Variants in ITPR1 observed in about 807,000 individuals in gnomAD.
ITPR1 encodes the protein inositol 1,4,5-trisphosphate-gated calcium channel ITPR1.
Under a neutral mutation model 318.4 loss-of-function variants are expected in ITPR1, and 96 were observed. The observed-to-expected ratio is 0.30, with a 90% CI of 0.26 to 0.36. ITPR1 has a LOEUF of 0.36. Ranked by LOEUF, ITPR1 falls within the 10% of genes least tolerant of loss-of-function variation. ITPR1 has a pLI of 1.00. For synonymous variants in ITPR1, 1,312 were observed against 1,289.9 expected (o/e 1.02, Z -0.37); for missense variants, 2,440 against 3,460.2 (o/e 0.71, Z 7.40).
At chr3:4,546,821 G>A (rs141923135) in intron 4 of ITPR1, among the ~76,000 whole-genome samples, 41 of 140,436 alleles carry the variant, frequency 2.9e-4, no homozygotes, top group African/African-American at 9.7e-4. Flanking sequence ...ATGAAATCTT[G>A]ACATACCACC....
intron 2 of ITPR1, among the ~76,000 whole-genome samples, chr3:4,512,635 G>A (rs2081920357): frequency 6.6e-6 from 1 of 151,908 alleles, no homozygotes; most frequent in Admixed American, 6.6e-5. Flanking sequence ...TTGATGCCCT[G>A]GAATCTTTCA....
intron 44 of ITPR1, among the ~76,000 whole-genome samples, chr3:4,764,238 T>G (rs1222325468): frequency 6.6e-6 from 1 of 152,254 alleles, no homozygotes; most frequent in African/African-American, 2.4e-5. Context: ...CAACTGAAAG[T>G]TGCTTTCTCA....
At chr3:4,701,999 G>T (rs2094663566) in intron 35 of ITPR1, among the ~76,000 whole-genome samples, 1 of 152,040 alleles carries the variant, frequency 6.6e-6, no homozygotes, top group Non-Finnish European at 1.5e-5. Flanking sequence ...GAGGGGCTAT[G>T]CAAGTTGTCC....
At position 4,693,730 on chromosome 3, in the gene ITPR1, T is replaced by G. The variant is rs1317838362; in HGVS notation, c.4270T>G (p.Cys1424Gly). The G allele has an allele frequency of 6.2e-7, 1 of 1,612,578 alleles. No individual in the cohort carries two copies. ...CGTTCGCGTGGTGACCCACGAGGAC[T>G]GCATCCCTGAGGTGAGCGAGCCCAG... ...DIVRVVTHEDCIPEVKIAYIN... is the reference protein window; with the variant it reads ...DIVRVVTHEDGIPEVKIAYIN... The change falls in exon 33 of 62, where the codon TGC becomes GGC. Residue 1424 changes from cysteine to glycine, a missense_variant. This residue lies in a region of ITPR1 where 222 missense variants were observed against 318.8 expected (regional missense o/e 0.70). Coordinates refer to ENST00000649015, the MANE Select transcript of ITPR1 (RefSeq NM_001378452.1).
intron 4 of ITPR1, among the ~76,000 whole-genome samples, chr3:4,535,512 G>T (rs1357267668): frequency 7.6e-6 from 1 of 131,788 alleles, no homozygotes; most frequent in Non-Finnish European, 1.5e-5. Context: ...GCGCAATCTC[G>T]GCTCACTCCA....
chr3:4,832,999 T>C (rs1000975610), intron 60 of ITPR1, among the ~76,000 whole-genome samples: 1 of 152,246 alleles, frequency 6.6e-6, no homozygotes, highest in Admixed American at 6.5e-5. Flanking sequence ...CGAAGAACTA[T>C]GCATTGAGAC....
chr3:4,634,103 TC>T (rs1053356198), intron 5 of ITPR1, among the ~76,000 whole-genome samples: 4 of 152,188 alleles, frequency 2.6e-5, no homozygotes, highest in African/African-American at 9.7e-5. Context: ...GTGTTTTTTT[TC>T]CCCTTAGAAA....
intron 60 of ITPR1, among the ~76,000 whole-genome samples, chr3:4,832,338 G>A (rs948092480): frequency 6.6e-6 from 1 of 152,198 alleles, no homozygotes; most frequent in African/African-American, 2.4e-5. Context: ...CCTAGGATGG[G>A]AGCACATGGC....
chr3:4,702,618 T>C (rs1296487030), intron 35 of ITPR1, among the ~76,000 whole-genome samples: 1 of 152,220 alleles, frequency 6.6e-6, no homozygotes, highest in Non-Finnish European at 1.5e-5. Flanking sequence ...AAAATGCTTC[T>C]GAGTTGCTCT....
chr3:4,727,099 A>C, intron 41 of ITPR1, 27 bp from the exon 42 acceptor site: 1 of 1,591,298 alleles, frequency 6.3e-7, no homozygotes, highest in Non-Finnish European at 8.5e-7. Context: ...GTGTTGTATT[A>C]AAATGGAATT....
chr3:4,510,605 G>A (rs1420147431), intron 2 of ITPR1, among the ~76,000 whole-genome samples: 1 of 152,120 alleles, frequency 6.6e-6, no homozygotes, highest in Non-Finnish European at 1.5e-5. Context: ...TATGTGCTAG[G>A]CATTGGTGTT....
intron 2 of ITPR1, among the ~76,000 whole-genome samples, chr3:4,508,089 G>T (rs1385355201): frequency 1.3e-5 from 2 of 152,142 alleles, no homozygotes; most frequent in East Asian, 1.9e-4. Flanking sequence ...TTGCAGGCAG[G>T]CAGGGGATCC....
chr3:4,747,486 A>T (rs1296141452), intron 44 of ITPR1, among the ~76,000 whole-genome samples: 1 of 152,226 alleles, frequency 6.6e-6, no homozygotes, highest in Non-Finnish European at 1.5e-5. Context: ...TCTGTTTGCC[A>T]GGCAGATTGG....
Position 4,759,924 on chromosome 3 carries a change from C to G in ITPR1, c.5545-6606C>G, listed in dbSNP as rs576266307. Reference sequence around the variant, plus strand: ...ACAGCCACTGCCGGGGTCACTGCCTCACCCTGCCCCTGCCCCTGCCCTGGC... The same window carrying G: ...ACAGCCACTGCCGGGGTCACTGCCTGACCCTGCCCCTGCCCCTGCCCTGGC... On this transcript the variant is annotated intron_variant, in intron 44 of 61. Transcript: ENST00000649015. Among the ~76,000 whole-genome samples, 422 of 152,282 alleles carry G rather than the reference C, an allele frequency of 2.8e-3. 5 individuals are homozygous for G. The highest frequency in any genetic ancestry group is 9.8e-3 in the African/African-American group (405 of 41,520).
chr3:4,716,924 A>AC (rs769612806), intron 39 of ITPR1, among the ~76,000 whole-genome samples: 1 of 152,086 alleles, frequency 6.6e-6, no homozygotes, highest in African/African-American at 2.4e-5. Context: ...TGAGCTTCTG[A>AC]CCCCCGACTG....
chr3:4,663,843 C>A (rs987928590), intron 16 of ITPR1, among the ~76,000 whole-genome samples: 3 of 151,924 alleles, frequency 2.0e-5, no homozygotes, highest in Admixed American at 6.5e-5. Context: ...CAGCCATGAA[C>A]GTTCTTACTG....
intron 40 of ITPR1, among the ~76,000 whole-genome samples, chr3:4,722,123 G>A (rs1446237137): frequency 6.6e-6 from 1 of 152,116 alleles, no homozygotes; most frequent in African/African-American, 2.4e-5. Context: ...AGTGACTTGA[G>A]GTGCAGTTTG....
In ITPR1 at chr3:4,727,126, G is replaced by T; in HGVS notation, c.5173G>T (p.Glu1725Ter). The T allele has an allele frequency of 6.3e-7, 1 of 1,598,080 alleles. No homozygotes were observed. Among genetic ancestry groups the T allele is most frequent in the Non-Finnish European group, 8.5e-7 (1 of 1,178,786 alleles). Residue 1725 changes from glutamate (E) to a stop codon, truncating the protein, a stop_gained and splice_region_variant, in exon 42 of 62, where the codon GAG becomes TAG. Transcript: ENST00000649015. LOFTEE classifies it high-confidence loss of function. ...PAPDSENATE[E>*]LEPSPPLRQL... ...AATGGAATTTCTGCATGCCTAGCAGGAGCTTGAACCAAGTCCACCCCTGCG... is the reference window on the plus strand; with the variant it reads ...AATGGAATTTCTGCATGCCTAGCAGTAGCTTGAACCAAGTCCACCCCTGCG...
At chr3:4,837,348 A>G (rs2050996507) in intron 61 of ITPR1, among the ~76,000 whole-genome samples, 2 of 151,998 alleles carry the variant, frequency 1.3e-5, no homozygotes, top group African/African-American at 2.4e-5. Context: ...CTCACCCCAT[A>G]TATTTAAATT....
Sources: gnomAD v4.1 joint callset for allele counts (sites outside exome capture counted in the v4.1 genomes callset) on GRCh38, gnomAD v4.1.1 for gene constraint, gnomAD v4.1.1 regional missense constraint, MANE v1.5 for transcripts, NCBI Gene and HGNC (gene_info 2026-07-23, HGNC 2026-07-21) for gene names.